Variants in BRAF observed in about 807,000 individuals in gnomAD.
The protein encoded by BRAF is B-Raf proto-oncogene, serine/threonine kinase.
In BRAF, 16 loss-of-function variants were observed where a neutral mutation model predicts 104.6. The observed-to-expected ratio is 0.15, with a 90% CI of 0.10 to 0.23. The LOEUF (loss-of-function observed/expected upper bound fraction) is 0.23. Among genes scored for constraint, BRAF ranks in the 10% least tolerant of loss-of-function variants. BRAF has a pLI of 1.00. For missense variants in BRAF, 541 were observed against 937.3 expected (o/e 0.58, Z 5.52); for synonymous variants, 310 against 341.6 (o/e 0.91, Z 1.02).
intron 1 of BRAF, among the ~76,000 whole-genome samples, chr7:140,857,144 G>A (rs754645094): frequency 2.0e-5 from 3 of 152,110 alleles, no homozygotes; most frequent in African/African-American, 4.8e-5. Context: ...AAATGTAATC[G>A]ACAAGCATAC....
chr7:140,807,588 G>A (rs1392761127), intron 5 of BRAF, among the ~76,000 whole-genome samples: 3 of 151,994 alleles, frequency 2.0e-5, no homozygotes, highest in Non-Finnish European at 4.4e-5. Flanking sequence ...AAAACTTTAG[G>A]CTTACAGGTA....
chr7:140,759,666 G>A (rs923996049), intron 14 of BRAF, among the ~76,000 whole-genome samples: 15 of 152,192 alleles, frequency 9.9e-5, no homozygotes, highest in Non-Finnish European at 1.3e-4. Flanking sequence ...GATTAGAGGC[G>A]TGAGCCACCA....
intron 1 of BRAF, among the ~76,000 whole-genome samples, chr7:140,889,461 T>A (rs1813964344): frequency 6.6e-6 from 1 of 152,160 alleles, no homozygotes; most frequent in Non-Finnish European, 1.5e-5. Context: ...AGTACACATA[T>A]AGCATAAATA....
At position 140,924,741 on chromosome 7, in the gene BRAF, G is replaced by A. The variant is rs899902477; in HGVS notation, c.-38C>T. The A allele has an allele frequency of 8.3e-6, 6 of 727,048 alleles. No homozygotes were observed. The highest frequency in any genetic ancestry group is 3.2e-5 in the South Asian group (2 of 62,820). 45.0% of individuals were successfully genotyped at this position (727,048 alleles called of 1,614,324 possible). A position where few individuals can be genotyped will look rare whatever the true frequency, so the allele number is the denominator to read the frequency against. On this transcript the variant is annotated 5_prime_UTR_variant, in exon 1 of 20. Coordinates refer to ENST00000644969, the MANE Select transcript of BRAF (RefSeq NM_001374258.1). The surrounding 1 kb of genome is among the most constrained non-coding windows in gnomAD (Gnocchi z 4.2). ...AGCCGGGGCCCGAGCGGCCGCTGTC[G>A]GGCGGGGAGGGGGAAGGGAGGCGGA... is the stretch of plus-strand genomic sequence containing the variant.
chr7:140,727,532 A>G (rs981335409), intron 19 of BRAF, among the ~76,000 whole-genome samples: 2 of 152,160 alleles, frequency 1.3e-5, no homozygotes, highest in Non-Finnish European at 1.5e-5. Context: ...ACTTGTAACT[A>G]AAGGCCAATT....
chr7:140,715,000 G>A (rs1207516728), downstream of BRAF, among the ~76,000 whole-genome samples: 1 of 152,190 alleles, frequency 6.6e-6, no homozygotes, highest in Non-Finnish European at 1.5e-5. Flanking sequence ...TTAAGGAACA[G>A]AAAGTCCAGG....
intron 8 of BRAF, among the ~76,000 whole-genome samples, chr7:140,791,307 A>C (rs1176045657): frequency 2.0e-5 from 3 of 152,202 alleles, no homozygotes; most frequent in Non-Finnish European, 4.4e-5. Flanking sequence ...TTCAATTGCC[A>C]AAATTGATAG....
chr7:140,736,956 G>A (rs1796496461), intron 18 of BRAF, among the ~76,000 whole-genome samples: 1 of 151,978 alleles, frequency 6.6e-6, no homozygotes, highest in African/African-American at 2.4e-5. Flanking sequence ...AGGCTGAGGT[G>A]AGAGGATCGC....
rs1795412540 is a variant in BRAF at position 140,723,280 on chromosome 7, C to T, written c.*3214G>A. 3 of 1,056,324 alleles carry T rather than the reference C, an allele frequency of 2.8e-6. No homozygotes were observed. Among genetic ancestry groups the T allele is most frequent in the Non-Finnish European group, 3.4e-6 (3 of 873,840 alleles). The allele number at this position is 1,056,324 out of a possible 1,614,324, so 65.4% of individuals were successfully genotyped here. Reference sequence around the variant, plus strand: ...TGCTGTCACCGCACCAAACCAGAAGCTAGGAAATATTTACAAAGTTTCAGG... The same window carrying T: ...TGCTGTCACCGCACCAAACCAGAAGTTAGGAAATATTTACAAAGTTTCAGG... On this transcript the variant is annotated 3_prime_UTR_variant, in exon 20 of 20. Coordinates refer to ENST00000644969, the MANE Select transcript of BRAF (RefSeq NM_001374258.1).
chr7:140,869,204 T>C (rs376448449), intron 1 of BRAF, among the ~76,000 whole-genome samples: 5 of 152,322 alleles, frequency 3.3e-5, no homozygotes, highest in African/African-American at 1.2e-4. Flanking sequence ...GTAAGAGATG[T>C]GGCTGGAGAT....
rs146020708 is a variant in BRAF, at chr7:140,729,686, G to A, written c.2402-3170C>T. Among the ~76,000 whole-genome samples, 1,383 of 152,188 alleles carry A rather than the reference G, an allele frequency of 9.1e-3. 29 individuals carry two copies. Among genetic ancestry groups the A allele is most frequent in the African/African-American group, 0.032 (1,316 of 41,520 alleles). On this transcript the variant is annotated intron_variant, in intron 19 of 19. Transcript: ENST00000644969. ...CCAGCTACTCAGGAGGCTGAGGCAG[G>A]AGAATCACTTGAACCCGGGAGGCAG...
At chr7:140,794,032 T>C (rs1802273063) in intron 8 of BRAF, among the ~76,000 whole-genome samples, 1 of 152,310 alleles carries the variant, frequency 6.6e-6, no homozygotes. Flanking sequence ...TCCTTTGATA[T>C]TTAAACCATT....
chr7:140,815,507 C>T (rs949062395), intron 3 of BRAF, among the ~76,000 whole-genome samples: 1 of 139,970 alleles, frequency 7.1e-6, no homozygotes, highest in African/African-American at 2.8e-5. Flanking sequence ...GACCTAGAAT[C>T]ACTGCAAACT....
intron 1 of BRAF, among the ~76,000 whole-genome samples, chr7:140,865,082 T>G (rs1810806444): frequency 6.7e-6 from 1 of 148,280 alleles, no homozygotes. Context: ...GGAAATGAAT[T>G]TTTTTTTTTT....
chr7:140,849,586 T>G (rs1562994106), intron 2 of BRAF, among the ~76,000 whole-genome samples: 1 of 150,342 alleles, frequency 6.7e-6, no homozygotes, highest in Non-Finnish European at 1.5e-5. Context: ...GGAGGCCAAG[T>G]GGGTGGATCA....
chr7:140,824,733 A>C (rs1465949785), intron 3 of BRAF, among the ~76,000 whole-genome samples: 2 of 151,948 alleles, frequency 1.3e-5, no homozygotes, highest in Admixed American at 6.6e-5. Flanking sequence ...TGGTTGTACC[A>C]ATTAAACACT....
Position 140,777,033 on chromosome 7 carries a change from G to C in BRAF, c.1693C>G (p.Leu565Val), listed in dbSNP as rs766837571. 1 of 1,614,032 alleles carries C rather than the reference G, an allele frequency of 6.2e-7. No individual in the cohort carries two copies. Among genetic ancestry groups the C allele is most frequent in the African/African-American group, 1.3e-5 (1 of 75,050 alleles). ...LFMGYSTKPQ[L>V]AIVTQWCEGS... ...TCACACCACTGGGTAACAATAGCCAGTTGTGGCTTTGTGGAATAGCCCATG... is the reference window on the plus strand; with the variant it reads ...TCACACCACTGGGTAACAATAGCCACTTGTGGCTTTGTGGAATAGCCCATG... Residue 565 changes from leucine to valine, a missense_variant, in exon 14 of 20, where the codon CTG becomes GTG. By Grantham distance (32) the Leu-to-Val change is conservative. This residue lies in a region of BRAF where 7 missense variants were observed against 47.2 expected (regional missense o/e 0.15). Coordinates refer to ENST00000644969, the MANE Select transcript of BRAF (RefSeq NM_001374258.1).
intron 17 of BRAF, among the ~76,000 whole-genome samples, chr7:140,742,183 G>A (rs925447024): frequency 6.6e-6 from 1 of 150,766 alleles, no homozygotes; most frequent in East Asian, 2.0e-4. Flanking sequence ...AGACATGGTG[G>A]GGTTTTTTTT....
At chr7:140,786,566 T>C (rs1801378605) in intron 9 of BRAF, among the ~76,000 whole-genome samples, 1 of 152,212 alleles carries the variant, frequency 6.6e-6, no homozygotes, top group Non-Finnish European at 1.5e-5. Flanking sequence ...AATGTTGTCT[T>C]ATGTGCTAGA....
Sources: gnomAD v4.1 joint callset for allele counts (sites outside exome capture counted in the v4.1 genomes callset) on GRCh38, gnomAD v4.1.1 for gene constraint, gnomAD v4.1.1 regional missense constraint, Gnocchi (gnomAD v3.1) non-coding constraint, MANE v1.5 for transcripts, NCBI Gene and HGNC (gene_info 2026-07-23, HGNC 2026-07-21) for gene names.